Variants in KLHDC4 observed in about 807,000 individuals in gnomAD.
The protein encoded by KLHDC4 is kelch domain-containing protein 4.
In KLHDC4, 90 loss-of-function variants were observed where a neutral mutation model predicts 62.4. The ratio of observed to expected loss-of-function variants is 1.44; its 90% CI spans 1.22 to 1.72. The LOEUF (loss-of-function observed/expected upper bound fraction) is 1.72. Ranked by LOEUF, KLHDC4 falls within the 40% of genes most tolerant of loss-of-function variation. The probability of loss-of-function intolerance (pLI) is 0.00; values close to 1 mark genes in which losing one functional copy is unlikely to be tolerated. For synonymous variants in KLHDC4, 386 were observed against 284.4 expected, an observed-to-expected ratio of 1.36 and a Z score of -3.59; for missense variants, 1,025 against 699.7, an observed-to-expected ratio of 1.47 and a Z score of -5.25.
At chr16:87,741,175 G>T (rs569388889) in intron 5 of KLHDC4, among the ~76,000 whole-genome samples, 13 of 152,290 alleles carry the variant, frequency 8.5e-5, no homozygotes, top group African/African-American at 2.6e-4. Flanking sequence ...AGAAGACAAT[G>T]AGAGACTGTT....
At chr16:87,737,126 A>AAAAG in intron 5 of KLHDC4, among the ~76,000 whole-genome samples, 1 of 149,738 alleles carries the variant, frequency 6.7e-6, no homozygotes, top group East Asian at 1.9e-4. Flanking sequence ...AAAAAAAAAA[A>AAAAG]AAAGATAAGA....
Position 87,726,890 on chromosome 16 carries a change from T to A in KLHDC4, c.634A>T (p.Asn212Tyr). 6.2e-7 allele frequency: 1 copy of A among 1,613,982 alleles called. No individual in the cohort carries two copies. Among genetic ancestry groups the A allele is most frequent in the South Asian group, 1.1e-5 (1 of 91,080 alleles). The change falls in exon 7 of 12, where the codon AAT becomes TAT. Residue 212 changes from asparagine to tyrosine, a missense_variant. Transcript: ENST00000270583. ...TTGCTCCATGTGAAGGTGTCCAGAT[T>A]AAAGGCATACACGTCGTTGTAGTAG... is the stretch of plus-strand genomic sequence containing the variant. ...YIYYNDVYAF[N>Y]LDTFTWSKLS... is the part of the protein sequence containing the mutation.
At chr16:87,764,648 A>C (rs1377537722) in intron 1 of KLHDC4, among the ~76,000 whole-genome samples, 4 of 26,208 alleles carry the variant, frequency 1.5e-4, no homozygotes, top group African/African-American at 8.2e-4. Flanking sequence ...AACTCCTTCA[A>C]AAAAAAAAAA....
chr16:87,724,427 G>A (rs1235398062), intron 7 of KLHDC4, among the ~76,000 whole-genome samples: 1 of 152,164 alleles, frequency 6.6e-6, no homozygotes, highest in Admixed American at 6.5e-5. Flanking sequence ...AAGGTGACCA[G>A]CCAAGCCACT....
chr16:87,707,513 G>C (rs927406204), downstream of KLHDC4, among the ~76,000 whole-genome samples: 3 of 152,218 alleles, frequency 2.0e-5, no homozygotes, highest in African/African-American at 7.2e-5. Flanking sequence ...TGAGAACCGG[G>C]AAGGTGTGCA....
intron 4 of KLHDC4, among the ~76,000 whole-genome samples, chr16:87,754,056 C>T (rs1158887751): frequency 2.0e-5 from 3 of 151,274 alleles, no homozygotes; most frequent in African/African-American, 7.3e-5. Context: ...AGGAGAATCC[C>T]TTGAACCCAG....
intron 5 of KLHDC4, among the ~76,000 whole-genome samples, chr16:87,744,753 A>G (rs548569424): frequency 5.9e-5 from 9 of 152,244 alleles, no homozygotes; most frequent in Non-Finnish European, 1.2e-4. Flanking sequence ...GAAAAGATCA[A>G]TGAATCAGAA....
intron 4 of KLHDC4, among the ~76,000 whole-genome samples, chr16:87,753,334 C>G: frequency 6.6e-6 from 1 of 152,200 alleles, no homozygotes; most frequent in East Asian, 1.9e-4. Context: ...CAAGTTCCAA[C>G]CAGACGAGGT....
In KLHDC4 at chr16:87,716,067, C is replaced by T. The variant is rs998205802; in HGVS notation, c.760-1494G>A. ...TATGTCTCGTAGATATTGACACAGA[C>T]TTCAGGTACGCTCTATGTCTCGTGG... On this transcript the variant is annotated intron_variant, in intron 7 of 11. Transcript: ENST00000270583. Among the ~76,000 whole-genome samples the T allele has an allele frequency of 2.6e-5, 4 of 152,316 alleles. No individual in the cohort carries two copies. In the South Asian group the frequency reaches 8.3e-4, roughly 32 times the overall value.
chr16:87,755,652 C>T (rs999437077), intron 3 of KLHDC4: 3 of 191,786 alleles, frequency 1.6e-5, no homozygotes, highest in South Asian at 1.8e-4. Context: ...CTGCAACCTC[C>T]GCCTCCCAGG....
intron 4 of KLHDC4, among the ~76,000 whole-genome samples, chr16:87,749,564 A>AAG (rs1306492501): frequency 1.3e-5 from 2 of 151,784 alleles, no homozygotes; most frequent in South Asian, 2.1e-4. Flanking sequence ...AAAAAAAAAA[A>AAG]AAAAAAAGAA....
chr16:87,709,965 A>C, intron 9 of KLHDC4: 1 of 390,818 alleles, frequency 2.6e-6, no homozygotes. Context: ...GGCCCACCAG[A>C]CCCCACACAC....
chr16:87,701,652 T>C (rs1427918359), exon 1 of KLHDC4: 1 of 454,348 alleles, frequency 2.2e-6, no homozygotes, highest in East Asian at 7.0e-5. Context: ...CTGCCACTCG[T>C]CCGCCTCGTC....
intron 5 of KLHDC4, chr16:87,731,109 G>A (rs2040294810): frequency 8.0e-6 from 1 of 125,094 alleles, no homozygotes; most frequent in South Asian, 2.4e-4. Context: ...TGTCTCCCAT[G>A]CTGGAGTTCA....
At chr16:87,752,000 G>C (rs1230114860) in intron 4 of KLHDC4, among the ~76,000 whole-genome samples, 1 of 142,148 alleles carries the variant, frequency 7.0e-6, no homozygotes, top group Non-Finnish European at 1.5e-5. Flanking sequence ...GCATGAACCC[G>C]GGAGGCATGA....
intron 5 of KLHDC4, among the ~76,000 whole-genome samples, chr16:87,737,589 TC>T (rs1396486601): frequency 2.1e-5 from 2 of 93,688 alleles, no homozygotes; most frequent in Admixed American, 1.1e-4. Flanking sequence ...TACAAATCAG[TC>T]TTTTTTTTTT....
At chr16:87,729,123 G>A (rs1227953102) in intron 6 of KLHDC4, among the ~76,000 whole-genome samples, 1 of 152,056 alleles carries the variant, frequency 6.6e-6, no homozygotes, top group Non-Finnish European at 1.5e-5. Flanking sequence ...TTTCCCCCTT[G>A]AAAAGTATTT....
rs568391080 is a variant in KLHDC4 at position 87,728,645 on chromosome 16, T to C, written c.600-1721A>G. On this transcript the variant is annotated intron_variant, in intron 6 of 11. Transcript: ENST00000270583. ...ATGAATTAATGCTCTGACAAACTTA[T>C]GTGTGCATTCTGACAATTATTTGTT... Among the ~76,000 whole-genome samples, 53 of 152,300 alleles carry C rather than the reference T, an allele frequency of 3.5e-4. No homozygotes were observed. The Middle Eastern group carries it at 0.01, about 29-fold the overall frequency.
intron 5 of KLHDC4, among the ~76,000 whole-genome samples, chr16:87,734,318 T>A (rs1343615392): frequency 6.6e-6 from 1 of 151,754 alleles, no homozygotes; most frequent in Non-Finnish European, 1.5e-5. Context: ...CACTCCAGTC[T>A]GGGCGATAGA....
Sources: allele counts gnomAD v4.1 joint callset (sites outside exome capture counted in the v4.1 genomes callset), GRCh38; gene constraint gnomAD v4.1.1; transcripts MANE v1.5; gene names NCBI Gene and HGNC (gene_info 2026-07-23, HGNC 2026-07-21).